Variants in RFX3 observed in about 807,000 individuals in gnomAD.
RFX3 encodes transcription factor RFX3.
In RFX3, 14 loss-of-function variants were observed where a neutral mutation model predicts 98.6. That is an observed-to-expected ratio of 0.14 (90% CI 0.09 to 0.22). RFX3 has a LOEUF of 0.22. Ranked by LOEUF, RFX3 falls within the 10% of genes least tolerant of loss-of-function variation. RFX3 has a pLI of 1.00. For synonymous variants in RFX3, 383 were observed against 328.4 expected (o/e 1.17, Z -1.80); for missense variants, 639 against 926.9 (o/e 0.69, Z 4.03).
At chr9:3,370,432 C>A (rs1251348528) in intron 2 of RFX3, among the ~76,000 whole-genome samples, 1 of 151,738 alleles carries the variant, frequency 6.6e-6, no homozygotes, top group Non-Finnish European at 1.5e-5. Context: ...ATTTACAACT[C>A]TATCCTTTCA....
chr9:3,421,922 T>C (rs6476436), intron 1 of RFX3, among the ~76,000 whole-genome samples: 37,793 of 151,866 alleles, frequency 0.25, 7,503 homozygotes, highest in African/African-American at 0.55. Flanking sequence ...CTGACAGGAA[T>C]TGATAGGAAC....
At chr9:3,307,983 A>AT (rs1037397887) in intron 4 of RFX3, among the ~76,000 whole-genome samples, 1 of 151,960 alleles carries the variant, frequency 6.6e-6, no homozygotes, top group African/African-American at 2.4e-5. Context: ...TAAAAAGTTC[A>AT]TTTTTTCCAT....
chr9:3,353,082 C>G (rs915623621), intron 2 of RFX3, among the ~76,000 whole-genome samples: 1 of 151,416 alleles, frequency 6.6e-6, no homozygotes, highest in Non-Finnish European at 1.5e-5. Context: ...TCATTCTCAG[C>G]AAACTATCGC....
chr9:3,494,329 A>C (rs1449597689), intron 1 of RFX3, among the ~76,000 whole-genome samples: 1 of 152,166 alleles, frequency 6.6e-6, no homozygotes, highest in Non-Finnish European at 1.5e-5. Flanking sequence ...AAATTTTTTG[A>C]GAATCCCAAA....
chr9:3,433,218 T>C (rs1172160230), intron 1 of RFX3, among the ~76,000 whole-genome samples: 3 of 152,182 alleles, frequency 2.0e-5, no homozygotes, highest in Non-Finnish European at 4.4e-5. Context: ...TGTATTTCCA[T>C]AAAGTCACAC....
At chr9:3,311,763 T>C (rs866971385) in intron 4 of RFX3, among the ~76,000 whole-genome samples, 2 of 152,032 alleles carry the variant, frequency 1.3e-5, no homozygotes, top group Non-Finnish European at 2.9e-5. Flanking sequence ...GGGCGCCTGT[T>C]ATCCCAGCTA....
chr9:3,342,593 C>T (rs780025843), intron 3 of RFX3, among the ~76,000 whole-genome samples: 2 of 151,806 alleles, frequency 1.3e-5, no homozygotes, highest in South Asian at 2.1e-4. Context: ...GTTTCCACTT[C>T]GACTAGCATG....
At chr9:3,335,327 C>T (rs1319933374) in intron 3 of RFX3, among the ~76,000 whole-genome samples, 1 of 151,972 alleles carries the variant, frequency 6.6e-6, no homozygotes, top group Non-Finnish European at 1.5e-5. Context: ...AAAAAAGAAG[C>T]ACCAACGGCA....
intron 1 of RFX3, among the ~76,000 whole-genome samples, chr9:3,412,420 G>A (rs1011239098): frequency 1.3e-5 from 2 of 152,048 alleles, no homozygotes; most frequent in Non-Finnish European, 2.9e-5. Flanking sequence ...TGCTATTTTC[G>A]TTTCAAGTAA....
chr9:3,419,942 A>G (rs1247635362), intron 1 of RFX3, among the ~76,000 whole-genome samples: 1 of 152,084 alleles, frequency 6.6e-6, no homozygotes, highest in Admixed American at 6.5e-5. Flanking sequence ...TTCCAACACA[A>G]CCTCTGCATG....
intron 1 of RFX3, among the ~76,000 whole-genome samples, chr9:3,431,198 CA>C (rs1288926378): frequency 1.3e-5 from 2 of 152,084 alleles, no homozygotes; most frequent in Middle Eastern, 3.2e-3. Context: ...AATTGTGTAT[CA>C]CAGTAAAAAG....
At chr9:3,456,845 T>C (rs978980103) in intron 1 of RFX3, among the ~76,000 whole-genome samples, 4 of 152,028 alleles carry the variant, frequency 2.6e-5, no homozygotes, top group African/African-American at 9.7e-5. Context: ...TGTCTAATCA[T>C]CAGTTAAAGA....
rs142390008 is a variant in RFX3, at chr9:3,255,151, C to T, written c.1814+1840G>A. Among the ~76,000 whole-genome samples the T allele has an allele frequency of 5.3e-4, 81 of 152,266 alleles. 1 individual carries two copies. Among genetic ancestry groups the T allele is most frequent in the African/African-American group, 1.9e-3 (77 of 41,546 alleles). On this transcript the variant is annotated intron_variant, in intron 14 of 16. Transcript: ENST00000617270. ...ATAATGTGGATCTATACGTCTACTT[C>T]AGTTTAAGAAATAAGAATATGGACC... is the stretch of plus-strand genomic sequence containing the variant.
intron 4 of RFX3, among the ~76,000 whole-genome samples, chr9:3,315,596 T>G (rs914210083): frequency 7.9e-5 from 12 of 152,100 alleles, no homozygotes; most frequent in Middle Eastern, 3.4e-3. Context: ...GCTGGCTTTT[T>G]GAAAAGATCA....
chr9:3,493,451 G>A (rs757796069), intron 1 of RFX3, among the ~76,000 whole-genome samples: 137 of 152,008 alleles, frequency 9.0e-4, no homozygotes, highest in Non-Finnish European at 1.5e-3. Flanking sequence ...TTGGGAGGCC[G>A]AGGCAGGCAG....
rs1394869258 is a variant in RFX3, at chr9:3,219,928, A to C, written c.*5114T>G. ...TAGGGCAGCGCAAGCACATCTGCAGACAACACTGCTTTCATGTTCGATCAC... is the reference window on the plus strand; with the variant it reads ...TAGGGCAGCGCAAGCACATCTGCAGCCAACACTGCTTTCATGTTCGATCAC... On this transcript the variant is annotated 3_prime_UTR_variant, in exon 17 of 17. Coordinates refer to ENST00000617270, the MANE Select transcript of RFX3 (RefSeq NM_001282116.2). The C allele has an allele frequency of 6.6e-6, 1 of 152,208 alleles. No individual in the cohort carries two copies. Among genetic ancestry groups the C allele is most frequent in the African/African-American group, 2.4e-5 (1 of 41,452 alleles). 9.4% of individuals were successfully genotyped at this position (152,208 alleles called of 1,614,324 possible).
chr9:3,400,344 A>G (rs1424806274), intron 1 of RFX3: 1 of 294,542 alleles, frequency 3.4e-6, no homozygotes, highest in East Asian at 1.7e-4. Context: ...TGTAAAACAT[A>G]AAGCTAGAGA....
At chr9:3,506,743 T>C (rs779703302) in intron 1 of RFX3, among the ~76,000 whole-genome samples, 2 of 151,740 alleles carry the variant, frequency 1.3e-5, no homozygotes, top group East Asian at 3.9e-4. Context: ...TGACAGAATG[T>C]CATTTGAAAA....
intron 2 of RFX3, among the ~76,000 whole-genome samples, chr9:3,394,326 G>T (rs965164412): frequency 6.6e-6 from 1 of 152,092 alleles, no homozygotes; most frequent in Admixed American, 6.6e-5. Flanking sequence ...AGCCAGGCGT[G>T]GTGGCAGGCA....
Sources: allele counts gnomAD v4.1 joint callset (sites outside exome capture counted in the v4.1 genomes callset), GRCh38; gene constraint gnomAD v4.1.1; transcripts MANE v1.5; gene names NCBI Gene and HGNC (gene_info 2026-07-23, HGNC 2026-07-21).